Variants in CARMIL1 observed in about 807,000 individuals in gnomAD.
CARMIL1 encodes capping protein regulator and myosin 1 linker 1.
Under a neutral mutation model 177.1 loss-of-function variants are expected in CARMIL1, and 90 were observed. The observed-to-expected ratio is 0.51, with a 90% CI of 0.43 to 0.61. The LOEUF is 0.61. Among genes scored for constraint, CARMIL1 ranks in the 20% least tolerant of loss-of-function variants. The probability of loss-of-function intolerance (pLI) is 0.00; values close to 1 mark genes in which losing one functional copy is unlikely to be tolerated. For missense variants in CARMIL1, 1,380 were observed against 1,667.0 expected (o/e 0.83, Z 3.00); for synonymous variants, 577 against 606.2 (o/e 0.95, Z 0.71).
intron 32 of CARMIL1, among the ~76,000 whole-genome samples, chr6:25,598,711 A>G (rs1582483097): frequency 6.6e-6 from 1 of 151,746 alleles, no homozygotes; most frequent in Non-Finnish European, 1.5e-5. Context: ...ATGTTGGTGG[A>G]TGCAATATTT....
intron 2 of CARMIL1, among the ~76,000 whole-genome samples, chr6:25,317,299 G>GTATTTT (rs1784351533): frequency 1.3e-5 from 2 of 151,846 alleles, no homozygotes; most frequent in South Asian, 4.2e-4. Flanking sequence ...CTTAGCTAAT[G>GTATTTT]TATTTTTATT....
intron 2 of CARMIL1, among the ~76,000 whole-genome samples, chr6:25,414,418 TC>T (rs1302091889): frequency 6.6e-6 from 1 of 152,164 alleles, no homozygotes; most frequent in Non-Finnish European, 1.5e-5. Flanking sequence ...GAAGAAGTAT[TC>T]ATTATCAGGA....
intron 2 of CARMIL1, among the ~76,000 whole-genome samples, chr6:25,366,543 C>T (rs1789829084): frequency 6.6e-6 from 1 of 151,514 alleles, no homozygotes; most frequent in Non-Finnish European, 1.5e-5. Flanking sequence ...GCATTGTTTT[C>T]TCTTTCCTAG....
chr6:25,485,663 G>T (rs1489548598), intron 12 of CARMIL1, among the ~76,000 whole-genome samples: 1 of 152,174 alleles, frequency 6.6e-6, no homozygotes, highest in East Asian at 1.9e-4. Flanking sequence ...TCAAATTCCT[G>T]ACCTCAGGTG....
chr6:25,308,471 T>G (rs1783466100), intron 2 of CARMIL1, among the ~76,000 whole-genome samples: 1 of 147,056 alleles, frequency 6.8e-6, no homozygotes, highest in Non-Finnish European at 1.5e-5. Context: ...AACCTCTGAC[T>G]CCCAGATTCA....
At chr6:25,305,421 A>G (rs1783186846) in intron 2 of CARMIL1, among the ~76,000 whole-genome samples, 1 of 152,118 alleles carries the variant, frequency 6.6e-6, no homozygotes, top group South Asian at 2.1e-4. Flanking sequence ...TTGGGTTTCA[A>G]AAGGTAAGAC....
chr6:25,400,287 G>C (rs1793779838), intron 2 of CARMIL1, among the ~76,000 whole-genome samples: 1 of 152,154 alleles, frequency 6.6e-6, no homozygotes, highest in Admixed American at 6.5e-5. Flanking sequence ...GGCCTATAAA[G>C]AAAGTCCACA....
At chr6:25,283,610 T>C (rs1781309384) in intron 1 of CARMIL1, among the ~76,000 whole-genome samples, 1 of 152,232 alleles carries the variant, frequency 6.6e-6, no homozygotes, top group African/African-American at 2.4e-5. Context: ...TTTCTCCTTC[T>C]ATTGCCTTTG....
At chr6:25,297,067 A>G (rs372247455) in intron 2 of CARMIL1, among the ~76,000 whole-genome samples, 1 of 152,236 alleles carries the variant, frequency 6.6e-6, no homozygotes, top group Non-Finnish European at 1.5e-5. Flanking sequence ...GTCTGAGACT[A>G]CAGGCACAGG....
At chr6:25,300,301 G>A (rs74829142) in intron 2 of CARMIL1, among the ~76,000 whole-genome samples, 6,957 of 152,234 alleles carry the variant, frequency 0.046, 232 homozygotes, top group Middle Eastern at 0.099. Flanking sequence ...ATACCTAAAA[G>A]ATCAGACCAG....
intron 5 of CARMIL1, among the ~76,000 whole-genome samples, chr6:25,447,928 A>G (rs990427073): frequency 6.6e-6 from 1 of 151,646 alleles, no homozygotes; most frequent in African/African-American, 2.4e-5. Flanking sequence ...TTCTGTCCAC[A>G]CTGTTTTTCT....
At chr6:25,282,622 AGTGT>A (rs1448009821) in intron 1 of CARMIL1, among the ~76,000 whole-genome samples, 2 of 152,242 alleles carry the variant, frequency 1.3e-5, no homozygotes, top group Admixed American at 1.3e-4. Flanking sequence ...TGCTCCATTT[AGTGT>A]GTATAATCTA....
chr6:25,596,087 C>T (rs563284752), intron 32 of CARMIL1, among the ~76,000 whole-genome samples: 45 of 152,214 alleles, frequency 3.0e-4, no homozygotes, highest in Non-Finnish European at 5.6e-4. Context: ...TATTGTTATA[C>T]CCGTCCCAGT....
intron 20 of CARMIL1, among the ~76,000 whole-genome samples, chr6:25,512,437 ATTC>A (rs548217851): frequency 2.6e-5 from 4 of 152,186 alleles, no homozygotes; most frequent in African/African-American, 7.2e-5. Context: ...TCAGAAAGCA[ATTC>A]TTCTGTTTTT....
chr6:25,401,561 A>T (rs1793884535), intron 2 of CARMIL1, among the ~76,000 whole-genome samples: 1 of 152,228 alleles, frequency 6.6e-6, no homozygotes, highest in African/African-American at 2.4e-5. Flanking sequence ...GAATTCAAGG[A>T]TCAACTCTAA....
chr6:25,514,504 GC>G (rs1805774958), intron 20 of CARMIL1, among the ~76,000 whole-genome samples: 1 of 141,494 alleles, frequency 7.1e-6, no homozygotes, highest in Admixed American at 7.6e-5. Flanking sequence ...CTGAGATTAT[GC>G]CACTGCAGCA....
intron 2 of CARMIL1, among the ~76,000 whole-genome samples, chr6:25,372,937 G>A (rs572305554): frequency 3.3e-5 from 5 of 152,174 alleles, no homozygotes; most frequent in African/African-American, 1.2e-4. Context: ...AGTTTGTTGA[G>A]AATTTTTATC....
At position 25,509,707 on chromosome 6, in the gene CARMIL1, AACATC is replaced by A; in HGVS notation, c.1450_1454del (p.Ile484GlnfsTer6). 6.2e-7 allele frequency: 1 copy of A among 1,602,026 alleles called. No homozygotes were observed. Among genetic ancestry groups the A allele is most frequent in the Non-Finnish European group, 8.5e-7 (1 of 1,173,654 alleles). ...AGAAGGTTGCATTGCTGAAATACAC[AACATC>A]ACCAGCTTAGACATCTCTGACAATG... On this transcript the variant is annotated frameshift_variant, in exon 18 of 37. Coordinates refer to ENST00000329474, the MANE Select transcript of CARMIL1 (RefSeq NM_017640.6). LOFTEE classifies it high-confidence loss of function. This position sits in a 1 kb window ranked among gnomAD's most constrained non-coding sequence, Gnocchi z 4.1.
At chr6:25,431,865 T>C (rs746884274) in intron 4 of CARMIL1, among the ~76,000 whole-genome samples, 24 of 152,134 alleles carry the variant, frequency 1.6e-4, no homozygotes, top group Non-Finnish European at 3.1e-4. Context: ...TCAATTTAAC[T>C]TTGACCCACA....
Sources: allele counts gnomAD v4.1 joint callset (sites outside exome capture counted in the v4.1 genomes callset), GRCh38; gene constraint gnomAD v4.1.1; non-coding constraint Gnocchi (gnomAD v3.1); transcripts MANE v1.5; gene names NCBI Gene and HGNC (gene_info 2026-07-23, HGNC 2026-07-21).